Variants in OR9Q1 observed in about 807,000 individuals in gnomAD.
OR9Q1 encodes olfactory receptor 9Q1.
For synonymous variants in OR9Q1, 153 were observed against 148.6 expected (o/e 1.03, Z -0.22); for missense variants, 374 against 378.8 (o/e 0.99, Z 0.11).
At chr11:58,141,208 A>G (rs557222921) in intron 2 of OR9Q1, among the ~76,000 whole-genome samples, 46 of 152,180 alleles carry the variant, frequency 3.0e-4, no homozygotes, top group Non-Finnish European at 5.4e-4. Context: ...AATACCCTTT[A>G]TTTCCTTCTC....
chr11:58,029,852 T>A (rs1166983101), intron 1 of OR9Q1, among the ~76,000 whole-genome samples: 1 of 151,682 alleles, frequency 6.6e-6, no homozygotes, highest in Admixed American at 6.6e-5. Flanking sequence ...CCTTTTTTTT[T>A]TTTTTTTGAC....
chr11:58,140,830 A>G (rs1036112053), intron 2 of OR9Q1, among the ~76,000 whole-genome samples: 3 of 152,186 alleles, frequency 2.0e-5, no homozygotes, highest in Non-Finnish European at 2.9e-5. Context: ...GAAGAAAGTC[A>G]TTGGTAGCTT....
At chr11:58,024,791 C>A (rs1392469852) in intron 1 of OR9Q1, among the ~76,000 whole-genome samples, 1 of 152,174 alleles carries the variant, frequency 6.6e-6, no homozygotes, top group Non-Finnish European at 1.5e-5. Context: ...TGCTTTGCAG[C>A]TCACTGGAGC....
rs3085835 is a variant in OR9Q1, at chr11:58,154,379, A to ATTTTTTTTTT, written c.-14-25045_-14-25036dup. Among the ~76,000 whole-genome samples, 5 of 140,954 alleles carry ATTTTTTTTTT rather than the reference A, an allele frequency of 3.5e-5. 1 individual carries two copies. The highest frequency in any genetic ancestry group is 1.6e-5 in the Non-Finnish European group (1 of 64,368). The allele number at this position is 140,954 out of a possible 152,430, so 92.5% of individuals were successfully genotyped here. A position where few individuals can be genotyped will look rare whatever the true frequency, so the allele number is the denominator to read the frequency against. On this transcript the variant is annotated intron_variant, in intron 2 of 2. Transcript: ENST00000335397. ...TTAGCAATAAAAATCAATGCAATGG[A>ATTTTTTTTTT]TTTTTTTTTTTTTTTTGTCCTGTGA... is the stretch of plus-strand genomic sequence containing the variant.
intron 2 of OR9Q1, among the ~76,000 whole-genome samples, chr11:58,100,003 C>T (rs928277086): frequency 6.6e-6 from 1 of 152,126 alleles, no homozygotes; most frequent in Non-Finnish European, 1.5e-5. Context: ...TTGTAAATCA[C>T]ATTAGATGGG....
At chr11:58,085,032 C>T (rs1006054009) in intron 2 of OR9Q1, among the ~76,000 whole-genome samples, 1 of 151,818 alleles carries the variant, frequency 6.6e-6, no homozygotes, top group Non-Finnish European at 1.5e-5. Flanking sequence ...TGATTCTATA[C>T]TTAGAAAACC....
At chr11:58,109,030 A>T in intron 2 of OR9Q1, 1 of 454,104 alleles carries the variant, frequency 2.2e-6, no homozygotes, top group Non-Finnish European at 4.4e-6. Flanking sequence ...GATAACCATG[A>T]CATTGGCTAG....
intron 1 of OR9Q1, chr11:58,030,961 A>G (rs747738740): frequency 2.5e-6 from 4 of 1,612,072 alleles, no homozygotes; most frequent in South Asian, 2.2e-5. Context: ...ATATGCAACC[A>G]TATACCAAAA....
At chr11:58,159,187 C>A (rs1854435310) in intron 2 of OR9Q1, among the ~76,000 whole-genome samples, 1 of 152,168 alleles carries the variant, frequency 6.6e-6, no homozygotes, top group African/African-American at 2.4e-5. Context: ...ACAGTGGGGA[C>A]TTCCCCGTCC....
chr11:58,141,434 GT>G (rs1204165833), intron 2 of OR9Q1, among the ~76,000 whole-genome samples: 1 of 152,176 alleles, frequency 6.6e-6, no homozygotes, highest in African/African-American at 2.4e-5. Context: ...ATGAATGGTT[GT>G]TGAATTTTGT....
chr11:58,053,752 G>A (rs1853299260), intron 1 of OR9Q1, among the ~76,000 whole-genome samples: 1 of 147,040 alleles, frequency 6.8e-6, no homozygotes, highest in African/African-American at 2.5e-5. Context: ...CTTCATGGCT[G>A]AGACACTCTT....
chr11:58,174,341 G>C (rs557787485), intron 2 of OR9Q1, among the ~76,000 whole-genome samples: 1 of 152,028 alleles, frequency 6.6e-6, no homozygotes, highest in Non-Finnish European at 1.5e-5. Context: ...CTGCAGCTTG[G>C]TCAAGTTAGC....
At chr11:58,143,089 T>C (rs761310123) in intron 2 of OR9Q1, among the ~76,000 whole-genome samples, 9 of 152,146 alleles carry the variant, frequency 5.9e-5, no homozygotes, top group Non-Finnish European at 1.3e-4. Flanking sequence ...AAGGTGGAGT[T>C]GATGTTGGAA....
intron 2 of OR9Q1, among the ~76,000 whole-genome samples, chr11:58,135,311 A>C (rs2119852433): frequency 6.6e-6 from 1 of 152,304 alleles, no homozygotes; most frequent in Non-Finnish European, 1.5e-5. Flanking sequence ...TGAGGGAAAC[A>C]GACTGCTCTT....
intron 2 of OR9Q1, among the ~76,000 whole-genome samples, chr11:58,070,107 T>C (rs1853472346): frequency 6.6e-6 from 1 of 151,748 alleles, no homozygotes; most frequent in South Asian, 2.1e-4. Context: ...GTTCAAACTA[T>C]TCTCCTGCCT....
rs554775304 is a variant in OR9Q1, at chr11:58,170,586, C to T, written c.-14-8845C>T. On this transcript the variant is annotated intron_variant, in intron 2 of 2. Coordinates refer to ENST00000335397, the MANE Select transcript of OR9Q1 (RefSeq NM_001005212.4). ...ATATCTCATCTTGAATTGTAGCTTCCATAATTCCCATGTGTTATAGGAGGG... is the reference window on the plus strand; with the variant it reads ...ATATCTCATCTTGAATTGTAGCTTCTATAATTCCCATGTGTTATAGGAGGG... Among the ~76,000 whole-genome samples the T allele has an allele frequency of 2.2e-4, 34 of 152,198 alleles. No individual in the cohort carries two copies. In the South Asian group the frequency reaches 2.9e-3, roughly 13 times the overall value.
chr11:58,109,989 T>A (rs1022094134), intron 2 of OR9Q1, among the ~76,000 whole-genome samples: 14 of 152,120 alleles, frequency 9.2e-5, no homozygotes, highest in African/African-American at 3.4e-4. Context: ...GCTAGAATAA[T>A]CTCCCCAAAT....
intron 2 of OR9Q1, among the ~76,000 whole-genome samples, chr11:58,161,557 T>C (rs116028673): frequency 6.6e-6 from 1 of 151,850 alleles, no homozygotes; most frequent in African/African-American, 2.4e-5. Context: ...CTGTTTTTTT[T>C]TTTTTAGACA....
chr11:58,061,133 C>T (rs960539022), intron 2 of OR9Q1, among the ~76,000 whole-genome samples: 1 of 152,184 alleles, frequency 6.6e-6, no homozygotes, highest in African/African-American at 2.4e-5. Flanking sequence ...CCCCTACAGG[C>T]TCCTCAGGTC....
Sources: gnomAD v4.1 joint callset for allele counts (sites outside exome capture counted in the v4.1 genomes callset) on GRCh38, gnomAD v4.1.1 for gene constraint, MANE v1.5 for transcripts, NCBI Gene and HGNC (gene_info 2026-07-23, HGNC 2026-07-21) for gene names.